The following ARID2 variants were observed in gnomAD, a reference collection of about 807,000 sequenced individuals.
The protein encoded by ARID2 is AT-rich interaction domain 2, also known as AT-rich interactive domain-containing protein 2.
Under a neutral mutation model 184.6 loss-of-function variants are expected in ARID2, and 32 were observed. That is an observed-to-expected ratio of 0.17 (90% CI 0.13 to 0.23). The LOEUF is 0.23. ARID2 is among the 10% of genes least tolerant of loss of function. The probability of loss-of-function intolerance (pLI) is 1.00; values close to 1 mark genes in which losing one functional copy is unlikely to be tolerated. For synonymous variants in ARID2, 836 were observed against 772.6 expected, an observed-to-expected ratio of 1.08 and a Z score of -1.36; for missense variants, 1,696 against 2,197.6, an observed-to-expected ratio of 0.77 and a Z score of 4.56.
chr12:45,792,892 C>A (rs1485981783), intron 3 of ARID2, among the ~76,000 whole-genome samples: 1 of 152,052 alleles, frequency 6.6e-6, no homozygotes, highest in Non-Finnish European at 1.5e-5. Context: ...AAAATTTCAA[C>A]CTTCTGGATA....
intron 6 of ARID2, among the ~76,000 whole-genome samples, chr12:45,824,388 A>C (rs1266642344): frequency 6.6e-6 from 1 of 152,126 alleles, no homozygotes; most frequent in African/African-American, 2.4e-5. Context: ...ACTCACTTGC[A>C]CCACTCTCAT....
chr12:45,759,024 T>C (rs997676375), intron 3 of ARID2, among the ~76,000 whole-genome samples: 3 of 152,150 alleles, frequency 2.0e-5, no homozygotes, highest in Non-Finnish European at 4.4e-5. Context: ...CATATGTGTA[T>C]GTATATATTA....
chr12:45,835,346 A>G lies in ARID2; in HGVS notation c.706-1243A>G, dbSNP rs146323812. On this transcript the variant is annotated intron_variant, in intron 6 of 20. Transcript: ENST00000334344. ...GGCCCTTCTTTCTTGGTTATTGAAC[A>G]TTGTCTTTTAAAAAAATGTGCCTAC... Among the ~76,000 whole-genome samples, 503 of 152,150 alleles carry G rather than the reference A, an allele frequency of 3.3e-3. 2 individuals are homozygous for G. Among genetic ancestry groups the G allele is most frequent in the African/African-American group, 0.011 (476 of 41,508 alleles).
At chr12:45,746,912 G>A (rs1201368757) in intron 3 of ARID2, among the ~76,000 whole-genome samples, 1 of 152,092 alleles carries the variant, frequency 6.6e-6, no homozygotes, top group Non-Finnish European at 1.5e-5. Flanking sequence ...GACTACAGGC[G>A]CTCGCCACCA....
At chr12:45,877,265 G>A (rs945919779) in intron 16 of ARID2, among the ~76,000 whole-genome samples, 6 of 152,034 alleles carry the variant, frequency 3.9e-5, no homozygotes, top group African/African-American at 9.7e-5. Flanking sequence ...ATTTACAGCC[G>A]CTCCCTATTG....
chr12:45,826,845 C>A (rs916858098), intron 6 of ARID2, among the ~76,000 whole-genome samples: 2 of 152,022 alleles, frequency 1.3e-5, no homozygotes, highest in Non-Finnish European at 2.9e-5. Flanking sequence ...ATACATCTAT[C>A]GAGTCTTTTC....
At chr12:45,821,154 G>A (rs1467522624) in intron 5 of ARID2, among the ~76,000 whole-genome samples, 1 of 151,910 alleles carries the variant, frequency 6.6e-6, no homozygotes, top group Non-Finnish European at 1.5e-5. Context: ...TAACTCTTAA[G>A]TACTCTTCAC....
chr12:45,750,031 C>T (rs564717398), intron 3 of ARID2, among the ~76,000 whole-genome samples: 1 of 152,232 alleles, frequency 6.6e-6, no homozygotes, highest in Non-Finnish European at 1.5e-5. Flanking sequence ...ACATTCACAA[C>T]ATAGCTAAAT....
chr12:45,770,687 G>A (rs965464965), intron 3 of ARID2, among the ~76,000 whole-genome samples: 11 of 152,196 alleles, frequency 7.2e-5, no homozygotes, highest in Admixed American at 6.5e-4. Context: ...CCTCAGAATA[G>A]GGGAGTGTGT....
chr12:45,860,732 A>G, intron 15 of ARID2, 69 bp from the exon 16 acceptor site: 1 of 1,275,890 alleles, frequency 7.8e-7, no homozygotes, highest in Non-Finnish European at 1.0e-6. Flanking sequence ...CAAATTTATA[A>G]GACTATACTA....
chr12:45,777,571 G>A (rs1028513061), intron 3 of ARID2, among the ~76,000 whole-genome samples: 5 of 151,806 alleles, frequency 3.3e-5, no homozygotes, highest in African/African-American at 4.8e-5. Flanking sequence ...ATTTTTCTCC[G>A]TGTAAGTCAA....
chr12:45,761,797 A>G (rs1399843455), intron 3 of ARID2, among the ~76,000 whole-genome samples: 2 of 151,538 alleles, frequency 1.3e-5, no homozygotes, highest in African/African-American at 4.8e-5. Flanking sequence ...ATTTTTTCAA[A>G]TTCTTCTTCG....
intron 3 of ARID2, among the ~76,000 whole-genome samples, chr12:45,735,565 T>C (rs1361452618): frequency 2.0e-5 from 3 of 151,888 alleles, no homozygotes; most frequent in Non-Finnish European, 4.4e-5. Context: ...AGTGAGCCAC[T>C]GTGCCTCAGC....
chr12:45,849,814 T>C (rs553348403), intron 14 of ARID2, 38 bp downstream of exon 14: 1 of 1,562,342 alleles, frequency 6.4e-7, no homozygotes, highest in Non-Finnish European at 8.7e-7. Flanking sequence ...TATTACTGAT[T>C]TAATAATAAA....
At position 45,743,798 on chromosome 12, in the gene ARID2, G is replaced by A. The variant is rs1592049336; in HGVS notation, c.284+12484G>A. Among the ~76,000 whole-genome samples, 3 of 152,260 alleles carry A rather than the reference G, an allele frequency of 2.0e-5. No homozygotes were observed. In the South Asian group the frequency reaches 6.2e-4, roughly 32 times the overall value. On this transcript the variant is annotated intron_variant, in intron 3 of 20. Coordinates refer to ENST00000334344, the MANE Select transcript of ARID2 (RefSeq NM_152641.4). ...TTCACATCTTTTTGTGTCATTCAGA[G>A]CCTAAAGTTTTCTTTATATAGGGTT...
chr12:45,789,185 C>T (rs1375680544), intron 3 of ARID2: 2 of 152,186 alleles, frequency 1.3e-5, no homozygotes, highest in Non-Finnish European at 2.9e-5. Context: ...AGAATAATGA[C>T]AACCAGTGAT....
intron 20 of ARID2, among the ~76,000 whole-genome samples, chr12:45,904,554 G>A (rs1366876721): frequency 6.6e-6 from 1 of 152,052 alleles, no homozygotes; most frequent in Non-Finnish European, 1.5e-5. Context: ...AGCTGGGCGT[G>A]GTGGCACACG....
At chr12:45,801,852 A>T (rs1439679550) in intron 3 of ARID2, among the ~76,000 whole-genome samples, 1 of 152,164 alleles carries the variant, frequency 6.6e-6, no homozygotes, top group Non-Finnish European at 1.5e-5. Flanking sequence ...ATGAAGCAAC[A>T]TATAAACAAT....
chr12:45,858,532 C>T (rs1322366324), intron 15 of ARID2, among the ~76,000 whole-genome samples: 2 of 152,078 alleles, frequency 1.3e-5, no homozygotes, highest in African/African-American at 2.4e-5. Flanking sequence ...ATTTTTAGTT[C>T]GTTCATCTGT....
Sources: allele counts gnomAD v4.1 joint callset (sites outside exome capture counted in the v4.1 genomes callset), GRCh38; gene constraint gnomAD v4.1.1; transcripts MANE v1.5; gene names NCBI Gene and HGNC (gene_info 2026-07-23, HGNC 2026-07-21).